The following CUL5 variants were observed in gnomAD, a reference collection of about 807,000 sequenced individuals.
CUL5 encodes the protein cullin-5.
In CUL5, 26 loss-of-function variants were observed where a neutral mutation model predicts 108.8. That is an observed-to-expected ratio of 0.24 (90% CI 0.18 to 0.33). The LOEUF (loss-of-function observed/expected upper bound fraction) is 0.33, where lower values mean the gene tolerates loss of function less well. Ranked by LOEUF, CUL5 falls within the 10% of genes least tolerant of loss-of-function variation. The pLI is 1.00. For missense variants in CUL5, 524 were observed against 909.2 expected (o/e 0.58, Z 5.45); for synonymous variants, 334 against 298.0 (o/e 1.12, Z -1.25).
chr11:108,040,894 C>G (rs1862886196), intron 2 of CUL5, among the ~76,000 whole-genome samples: 2 of 152,152 alleles, frequency 1.3e-5, no homozygotes, highest in Admixed American at 1.3e-4. Flanking sequence ...CTAAATTTGA[C>G]TCTTCTTTTG....
intron 1 of CUL5, among the ~76,000 whole-genome samples, chr11:108,017,089 A>C (rs1346596871): frequency 6.6e-6 from 1 of 152,146 alleles, no homozygotes; most frequent in Admixed American, 6.5e-5. Flanking sequence ...GCTGTACTGG[A>C]TACCATTTTA....
chr11:108,021,162 A>AT (rs372687738), intron 1 of CUL5, among the ~76,000 whole-genome samples: 126 of 152,312 alleles, frequency 8.3e-4, no homozygotes, highest in African/African-American at 2.9e-3. Context: ...ACATGCTGTT[A>AT]TTTTCACACA....
intron 18 of CUL5, among the ~76,000 whole-genome samples, chr11:108,100,266 G>A (rs914303581): frequency 8.5e-5 from 13 of 152,168 alleles, no homozygotes; most frequent in African/African-American, 2.9e-4. Flanking sequence ...CTTTAGGCTC[G>A]GCGCGGTGGC....
At chr11:108,076,179 T>C (rs151012227) in intron 10 of CUL5, among the ~76,000 whole-genome samples, 2 of 152,108 alleles carry the variant, frequency 1.3e-5, no homozygotes, top group African/African-American at 4.8e-5. Flanking sequence ...ACTACAGGCA[T>C]GCACCACTAT....
intron 8 of CUL5, among the ~76,000 whole-genome samples, chr11:108,071,957 G>C (rs567127926): frequency 6.6e-6 from 1 of 152,050 alleles, no homozygotes; most frequent in Non-Finnish European, 1.5e-5. Context: ...CGAGAGGATT[G>C]TGTGAGCCCC....
intron 7 of CUL5, among the ~76,000 whole-genome samples, chr11:108,059,393 A>G (rs1372115727): frequency 1.3e-5 from 2 of 152,188 alleles, no homozygotes; most frequent in Admixed American, 6.5e-5. Flanking sequence ...GAGGAATAGA[A>G]AAGTGAATTG....
At chr11:108,056,048 G>T (rs1863370059) in intron 7 of CUL5, among the ~76,000 whole-genome samples, 1 of 152,210 alleles carries the variant, frequency 6.6e-6, no homozygotes, top group East Asian at 1.9e-4. Flanking sequence ...CAAAATGCTG[G>T]GATTATGGGC....
chr11:108,088,710 TG>T (rs770032877), intron 12 of CUL5, 51 bp downstream of exon 12: 1 of 1,441,586 alleles, frequency 6.9e-7, no homozygotes, highest in South Asian at 1.3e-5. Flanking sequence ...ACTTTGAATT[TG>T]TGTTTTGCTT....
chr11:108,022,199 G>A (rs912075005), intron 1 of CUL5, among the ~76,000 whole-genome samples: 2 of 152,104 alleles, frequency 1.3e-5, no homozygotes, highest in Middle Eastern at 3.2e-3. Flanking sequence ...GATGTGGTAT[G>A]TTTTGTCCCA....
intron 1 of CUL5, among the ~76,000 whole-genome samples, chr11:108,030,816 A>C (rs1297811257): frequency 6.6e-6 from 1 of 152,190 alleles, no homozygotes; most frequent in Non-Finnish European, 1.5e-5. Flanking sequence ...ATTTTTATGT[A>C]ATTTTATCAT....
intron 7 of CUL5, among the ~76,000 whole-genome samples, chr11:108,064,799 G>A (rs1863633029): frequency 6.6e-6 from 1 of 152,126 alleles, no homozygotes; most frequent in Non-Finnish European, 1.5e-5. Flanking sequence ...ATATTGGCCT[G>A]TAGTTTTCTT....
chr11:108,036,000 A>G (rs1187764632), intron 2 of CUL5, among the ~76,000 whole-genome samples: 2 of 152,202 alleles, frequency 1.3e-5, no homozygotes, highest in Non-Finnish European at 2.9e-5. Flanking sequence ...GATCAGCGAG[A>G]CTGTCCTAAG....
At chr11:108,015,377 G>A (rs530396107) in intron 1 of CUL5, among the ~76,000 whole-genome samples, 1 of 152,370 alleles carries the variant, frequency 6.6e-6, no homozygotes, top group African/African-American at 2.4e-5. Context: ...GTGATACGAA[G>A]ATTTGAATAT....
chr11:108,056,386 G>C (rs1051957010), intron 7 of CUL5, among the ~76,000 whole-genome samples: 1 of 152,104 alleles, frequency 6.6e-6, no homozygotes, highest in South Asian at 2.1e-4. Context: ...TCCATCTTAA[G>C]TGGTAGTCGT....
intron 11 of CUL5, 106 bp from the exon 12 acceptor site, chr11:108,088,421 T>C (rs1419620539): frequency 5.6e-6 from 7 of 1,242,288 alleles, no homozygotes; most frequent in South Asian, 1.5e-5. Flanking sequence ...ACCTGATCAC[T>C]AGATTATTTA....
At chr11:108,088,246 C>T (rs1437708969) in intron 11 of CUL5, among the ~76,000 whole-genome samples, 1 of 151,908 alleles carries the variant, frequency 6.6e-6, no homozygotes, top group Non-Finnish European at 1.5e-5. Context: ...ATTATCATTG[C>T]CAAGGTCAGC....
At chr11:108,078,681 T>C (rs1466082461) in intron 11 of CUL5, among the ~76,000 whole-genome samples, 2 of 152,208 alleles carry the variant, frequency 1.3e-5, no homozygotes, top group Non-Finnish European at 2.9e-5. Context: ...AACTGGAATC[T>C]GAGCTAGTTA....
intron 1 of CUL5, among the ~76,000 whole-genome samples, chr11:108,023,622 G>A (rs1467512008): frequency 6.6e-6 from 1 of 152,186 alleles, no homozygotes; most frequent in Non-Finnish European, 1.5e-5. Flanking sequence ...ACTAGAATGT[G>A]AATTGCTTGA....
In CUL5 at chr11:108,063,250, A is replaced by G. The variant is rs147695794; in HGVS notation, c.781-6846A>G. 2.0e-5 allele frequency among the ~76,000 whole-genome samples: 3 copies of G among 152,202 alleles called. No homozygotes were observed. In the East Asian group the frequency reaches 5.8e-4, roughly 29 times the overall value. On this transcript the variant is annotated intron_variant, in intron 7 of 18. Coordinates refer to ENST00000393094, the MANE Select transcript of CUL5 (RefSeq NM_003478.6). ...CTATCCTTTACTCTCTATTTCCATG[A>G]GTTCAATTGTTTTAATTTTTAGCTT...
Sources: allele counts gnomAD v4.1 joint callset (sites outside exome capture counted in the v4.1 genomes callset), GRCh38; gene constraint gnomAD v4.1.1; transcripts MANE v1.5; gene names NCBI Gene and HGNC (gene_info 2026-07-23, HGNC 2026-07-21).